FAM153A: variants seen among roughly 807,000 people sequenced by gnomAD.
The protein encoded by FAM153A is family with sequence similarity 153 member A.
In FAM153A, 12 loss-of-function variants were observed where a neutral mutation model predicts 48.1. The observed-to-expected ratio is 0.25, with a 90% CI of 0.16 to 0.40. The LOEUF (loss-of-function observed/expected upper bound fraction) is 0.40, where lower values mean the gene tolerates loss of function less well. FAM153A is among the 10% of genes least tolerant of loss of function. The pLI is 1.00. For synonymous variants in FAM153A, 36 were observed against 118.2 expected (o/e 0.30, Z 4.51); for missense variants, 111 against 345.8 (o/e 0.32, Z 5.38).
the FAM153A span, among the ~76,000 whole-genome samples, chr5:177,700,027 C>T: frequency 5.2e-3 from 789 of 152,066 alleles, 11 homozygotes; most frequent in Middle Eastern, 0.02. Context: ...TGGGATTTAT[C>T]CCAGGAATGC....
intron 10 of FAM153A, 86 bp from the exon 13 acceptor site, chr5:177,737,198 T>C (rs1360481019): frequency 6.5e-7 from 1 of 1,541,886 alleles, no homozygotes; most frequent in Admixed American, 1.9e-5. Flanking sequence ...GGGGCTGGCG[T>C]GTGTGGAAAG....
upstream of FAM153A, among the ~76,000 whole-genome samples, chr5:177,755,618 C>G (rs1767650790): frequency 6.6e-6 from 1 of 151,824 alleles, no homozygotes; most frequent in Non-Finnish European, 1.5e-5. Context: ...GGAAGCCCAT[C>G]AGACTAACAG....
At chr5:177,705,016 T>G (rs547456855), downstream of FAM153A, among the ~76,000 whole-genome samples, 320 of 148,122 alleles carry the variant, frequency 2.2e-3, 7 homozygotes, top group African/African-American at 7.3e-3. Context: ...AAAAAAAAAT[T>G]ATATAGACTG....
upstream of FAM153A, among the ~76,000 whole-genome samples, chr5:177,755,777 G>A (rs1767666686): frequency 6.6e-6 from 1 of 150,688 alleles, no homozygotes; most frequent in South Asian, 2.1e-4. Flanking sequence ...TTACAGACAA[G>A]CAAATGCTGA....
At chr5:177,755,210 C>T (rs543572515), upstream of FAM153A, among the ~76,000 whole-genome samples, 3 of 151,684 alleles carry the variant, frequency 2.0e-5, no homozygotes, top group South Asian at 4.2e-4. Flanking sequence ...GTAGTCGATT[C>T]GATCAACTAG....
At chr5:177,741,114 G>A (rs1196863103) in intron 7 of FAM153A, 142 bp downstream of exon 9, 1 of 147,136 alleles carries the variant, frequency 6.8e-6, no homozygotes, top group Non-Finnish European at 1.2e-5. Context: ...GCTGGTAATT[G>A]ACTCTGACTT....
intron 1 of FAM153A, among the ~76,000 whole-genome samples, chr5:177,759,260 A>G (rs1768065054): frequency 6.6e-6 from 1 of 151,814 alleles, no homozygotes; most frequent in African/African-American, 2.4e-5. Flanking sequence ...AATCAAAACC[A>G]CAATGACATA....
chr5:177,706,470 A>AT (rs1460597061), downstream of FAM153A, among the ~76,000 whole-genome samples: 1 of 151,940 alleles, frequency 6.6e-6, no homozygotes, highest in Non-Finnish European at 1.5e-5. Flanking sequence ...AAGTGCTGGG[A>AT]TTACAGGCGT....
chr5:177,769,068 C>CA lies in FAM153A; in HGVS notation c.-57+11380_-57+11381insT, dbSNP rs1491490076. Among the ~76,000 whole-genome samples, 4 of 77,256 alleles carry CA rather than the reference C, an allele frequency of 5.2e-5. 1 individual carries two copies. The highest frequency in any genetic ancestry group is 5.0e-4 in the South Asian group (1 of 1,988). 50.7% of individuals were successfully genotyped at this position (77,256 alleles called of 152,430 possible). On this transcript the variant is annotated intron_variant, in intron 1 of 8. Coordinates refer to the FAM153A transcript ENST00000393518. ...GAAACCCCACCTCTACTAAAGAAAT[C>CA]CAAAAAAAAAAAAAAATAGCCGGGC... is the stretch of plus-strand genomic sequence containing the variant.
chr5:177,695,927 GGGC>G, the FAM153A span, among the ~76,000 whole-genome samples: 2 of 93,382 alleles, frequency 2.1e-5, no homozygotes, highest in African/African-American at 9.8e-5. Context: ...GGCCGGGCAG[GGGC>G]ACTCCCCACT....
rs1768784008 is a variant in FAM153A at position 177,766,685 on chromosome 5, G to T, written c.-57+13764C>A. Among the ~76,000 whole-genome samples the T allele has an allele frequency of 4.8e-5, 4 of 82,802 alleles. 1 individual carries two copies. The highest frequency in any genetic ancestry group is 9.8e-5 in the Non-Finnish European group (4 of 40,980). 54.3% of individuals were successfully genotyped at this position (82,802 alleles called of 152,430 possible). On this transcript the variant is annotated intron_variant, in intron 1 of 8. Transcript: ENST00000393518. Reference sequence around the variant, plus strand: ...CCTAAAGCCTTTGATGGTAAAATAAGATATTGGCTACCACTGAAACTGTCA... The same window carrying T: ...CCTAAAGCCTTTGATGGTAAAATAATATATTGGCTACCACTGAAACTGTCA...
At chr5:177,735,112 A>G (rs1442566960) in intron 12 of FAM153A, among the ~76,000 whole-genome samples, 179 bp from the exon 15 acceptor site, 5 of 121,232 alleles carry the variant, frequency 4.1e-5, no homozygotes, top group East Asian at 5.8e-4. Context: ...ATAATAGCCA[A>G]TCTCAAACAG....
At chr5:177,749,253 TA>T (rs1199004991) in intron 2 of FAM153A, among the ~76,000 whole-genome samples, 1 of 151,466 alleles carries the variant, frequency 6.6e-6, no homozygotes, top group Non-Finnish European at 1.5e-5. Flanking sequence ...CTTCCCACCT[TA>T]GGAAACTAGA....
upstream of FAM153A, among the ~76,000 whole-genome samples, chr5:177,756,022 T>A (rs1241331717): frequency 6.7e-6 from 1 of 150,280 alleles, no homozygotes; most frequent in African/African-American, 2.5e-5. Context: ...AATGCTCCAA[T>A]TAAAAGACAC....
chr5:177,755,018 C>A (rs1364906844), upstream of FAM153A, among the ~76,000 whole-genome samples: 1 of 151,870 alleles, frequency 6.6e-6, no homozygotes, highest in East Asian at 1.9e-4. Flanking sequence ...AAGAAGGATT[C>A]AGATGATCAA....
chr5:177,781,318 T>C (rs1769639958), upstream of FAM153A, among the ~76,000 whole-genome samples: 1 of 145,098 alleles, frequency 6.9e-6, no homozygotes, highest in Non-Finnish European at 1.5e-5. Flanking sequence ...GGTTTCACCG[T>C]GTTTGCCAGG....
chr5:177,710,211 C>T (rs1380528816), downstream of FAM153A, among the ~76,000 whole-genome samples: 1 of 150,540 alleles, frequency 6.6e-6, no homozygotes, highest in Non-Finnish European at 1.5e-5. Flanking sequence ...CTCCTGGGTT[C>T]GAGAAATTAT....
downstream of FAM153A, among the ~76,000 whole-genome samples, chr5:177,706,484 C>T (rs570264296): frequency 2.6e-5 from 4 of 151,830 alleles, no homozygotes; most frequent in Non-Finnish European, 2.9e-5. Context: ...CAGGCGTGAG[C>T]CACTGCGCCC....
chr5:177,709,377 T>TTTC (rs1554133309), downstream of FAM153A, among the ~76,000 whole-genome samples: 16 of 139,304 alleles, frequency 1.1e-4, 1 homozygote, highest in African/African-American at 1.8e-4. Flanking sequence ...TTTTTTTTTT[T>TTTC]CCGAGATGAA....
Sources: gnomAD v4.1 joint callset for allele counts (sites outside exome capture counted in the v4.1 genomes callset) on GRCh38, gnomAD v4.1.1 for gene constraint, MANE v1.5 for transcripts, NCBI Gene and HGNC (gene_info 2026-07-23, HGNC 2026-07-21) for gene names.